CTNNA3: variants seen among roughly 807,000 people sequenced by gnomAD.
CTNNA3 encodes catenin alpha-3.
A neutral mutation model predicts 95.7 loss-of-function variants in CTNNA3; 76 were observed. The ratio of observed to expected loss-of-function variants is 0.79; its 90% CI spans 0.66 to 0.96. The LOEUF (loss-of-function observed/expected upper bound fraction) is 0.96, where lower values mean the gene tolerates loss of function less well. Ranked by LOEUF, CTNNA3 falls within the 40% of genes least tolerant of loss-of-function variation. CTNNA3 has a pLI of 0.00. For synonymous variants in CTNNA3, 431 were observed against 374.4 expected (o/e 1.15, Z -1.74); for missense variants, 1,191 against 1,089.8 (o/e 1.09, Z -1.31).
chr10:67,329,497 G>T (rs1841691379), intron 5 of CTNNA3, among the ~76,000 whole-genome samples: 1 of 152,090 alleles, frequency 6.6e-6, no homozygotes, highest in Non-Finnish European at 1.5e-5. Context: ...CTAATATTTG[G>T]ATCTTCCTCA....
chr10:66,549,526 T>TTTACAATGAAGTTA (rs1482907788), intron 10 of CTNNA3, among the ~76,000 whole-genome samples: 1 of 152,176 alleles, frequency 6.6e-6, no homozygotes, highest in Non-Finnish European at 1.5e-5. Flanking sequence ...TTCTTTTACC[T>TTTACAATGAAGTTA]GCTTACTTGC....
At position 66,554,254 on chromosome 10, in the gene CTNNA3, G is replaced by A. The variant is rs188398941; in HGVS notation, c.1375-33481C>T. 2.6e-5 allele frequency among the ~76,000 whole-genome samples: 4 copies of A among 152,020 alleles called. No individual in the cohort carries two copies. In the East Asian group the frequency reaches 7.7e-4, roughly 29 times the overall value. On this transcript the variant is annotated intron_variant, in intron 10 of 17. Coordinates refer to ENST00000433211, the MANE Select transcript of CTNNA3 (RefSeq NM_013266.4). Reference sequence around the variant, plus strand: ...CCATTGTTTTTGTTAATAAGTAGTTGCCTTTTTTCCCCTGAATACAGATAT... The same window carrying A: ...CCATTGTTTTTGTTAATAAGTAGTTACCTTTTTTCCCCTGAATACAGATAT...
At chr10:66,798,903 T>C (rs966971222) in intron 7 of CTNNA3, among the ~76,000 whole-genome samples, 2 of 151,640 alleles carry the variant, frequency 1.3e-5, no homozygotes, top group Admixed American at 1.3e-4. Flanking sequence ...TCATCATCTA[T>C]AGAACTGAAG....
intron 12 of CTNNA3, among the ~76,000 whole-genome samples, chr10:66,345,940 G>A (rs917629761): frequency 6.6e-6 from 1 of 151,288 alleles, no homozygotes; most frequent in Non-Finnish European, 1.5e-5. Context: ...AGCTGGGAGT[G>A]GTGGTGTGCA....
intron 5 of CTNNA3, among the ~76,000 whole-genome samples, chr10:67,431,442 C>T (rs1846108978): frequency 6.6e-6 from 1 of 151,936 alleles, no homozygotes; most frequent in Admixed American, 6.6e-5. Context: ...TAACAAACCC[C>T]ATGAGATAGA....
intron 5 of CTNNA3, among the ~76,000 whole-genome samples, chr10:67,394,564 T>A (rs987375322): frequency 2.0e-5 from 3 of 152,062 alleles, no homozygotes; most frequent in African/African-American, 7.2e-5. Flanking sequence ...CTGGCTAAGG[T>A]CATTCTGATC....
chr10:67,324,382 G>C (rs1287040063), intron 5 of CTNNA3, among the ~76,000 whole-genome samples: 1 of 152,112 alleles, frequency 6.6e-6, no homozygotes, highest in East Asian at 1.9e-4. Context: ...GTTTGTCATA[G>C]ATGGCTCTTA....
At chr10:67,546,271 A>G (rs1840841461) in intron 3 of CTNNA3, among the ~76,000 whole-genome samples, 1 of 152,040 alleles carries the variant, frequency 6.6e-6, no homozygotes, top group Non-Finnish European at 1.5e-5. Flanking sequence ...AGCTGAGACT[A>G]CAGGTATGCA....
At chr10:67,256,060 C>G (rs1387019294) in intron 5 of CTNNA3, among the ~76,000 whole-genome samples, 1 of 151,922 alleles carries the variant, frequency 6.6e-6, no homozygotes, top group East Asian at 1.9e-4. Flanking sequence ...GGATTTCTCT[C>G]CTTTAAAATT....
chr10:67,494,410 G>C (rs1231362760), intron 5 of CTNNA3, among the ~76,000 whole-genome samples: 2 of 152,126 alleles, frequency 1.3e-5, no homozygotes, highest in Admixed American at 1.3e-4. Context: ...ATTTCAAAAG[G>C]ATGTTTCCTG....
chr10:66,276,148 T>C (rs1156824630), intron 13 of CTNNA3, among the ~76,000 whole-genome samples: 2 of 152,162 alleles, frequency 1.3e-5, no homozygotes, highest in African/African-American at 4.8e-5. Flanking sequence ...TATGTTCCTA[T>C]TCCCTGATAT....
chr10:66,510,028 G>C (rs1029973736), intron 11 of CTNNA3, among the ~76,000 whole-genome samples: 1 of 151,844 alleles, frequency 6.6e-6, no homozygotes, highest in Non-Finnish European at 1.5e-5. Context: ...TTCAGTCCAG[G>C]AGCATGGAAT....
intron 14 of CTNNA3, among the ~76,000 whole-genome samples, chr10:66,102,688 G>T (rs897618117): frequency 2.0e-5 from 3 of 151,936 alleles, no homozygotes; most frequent in African/African-American, 4.8e-5. Flanking sequence ...GGAGTTGTGT[G>T]GTGGTGGTGG....
At chr10:66,035,980 C>G (rs573908297) in intron 15 of CTNNA3, among the ~76,000 whole-genome samples, 1 of 152,240 alleles carries the variant, frequency 6.6e-6, no homozygotes, top group South Asian at 2.1e-4. Context: ...TACCCATTTA[C>G]TCTTATCCCA....
At chr10:66,260,207 A>G (rs2090947985) in intron 13 of CTNNA3, among the ~76,000 whole-genome samples, 1 of 152,114 alleles carries the variant, frequency 6.6e-6, no homozygotes, top group Non-Finnish European at 1.5e-5. Flanking sequence ...CAAAAATGTA[A>G]CCACACTTGA....
chr10:66,884,145 T>C (rs927069997), intron 7 of CTNNA3, among the ~76,000 whole-genome samples: 2 of 152,062 alleles, frequency 1.3e-5, no homozygotes, highest in Admixed American at 1.3e-4. Flanking sequence ...AGGAAGGGCA[T>C]TAATCTATTC....
chr10:66,045,563 A>C (rs976548897), intron 15 of CTNNA3, among the ~76,000 whole-genome samples: 1 of 152,208 alleles, frequency 6.6e-6, no homozygotes, highest in Non-Finnish European at 1.5e-5. Flanking sequence ...ACTTCTTTTT[A>C]ATAATAGAAG....
intron 5 of CTNNA3, among the ~76,000 whole-genome samples, chr10:67,329,880 T>C (rs568885419): frequency 5.9e-5 from 9 of 152,282 alleles, no homozygotes; most frequent in African/African-American, 2.2e-4. Context: ...GGTTCTGCTT[T>C]ATAAAATACC....
intron 1 of CTNNA3, among the ~76,000 whole-genome samples, chr10:67,732,743 T>A (rs1441973497): frequency 6.6e-6 from 1 of 152,180 alleles, no homozygotes; most frequent in Admixed American, 6.6e-5. Context: ...ACAACATTAG[T>A]TTCTCATTAT....
Sources: allele counts gnomAD v4.1 joint callset (sites outside exome capture counted in the v4.1 genomes callset), GRCh38; gene constraint gnomAD v4.1.1; transcripts MANE v1.5; gene names NCBI Gene and HGNC (gene_info 2026-07-23, HGNC 2026-07-21).